SCMH1: variants seen among roughly 807,000 people sequenced by gnomAD.
The protein encoded by SCMH1 is Scm polycomb group protein homolog 1.
In SCMH1, 37 loss-of-function variants were observed where a neutral mutation model predicts 70.8. That is an observed-to-expected ratio of 0.52 (90% CI 0.40 to 0.69). The LOEUF is 0.69. Ranked by LOEUF, SCMH1 falls within the 30% of genes least tolerant of loss-of-function variation. SCMH1 has a pLI of 0.00. For synonymous variants in SCMH1, 292 were observed against 307.4 expected (o/e 0.95, Z 0.52); for missense variants, 607 against 827.3 (o/e 0.73, Z 3.27).
At chr1:41,132,345 T>C (rs915921295) in intron 6 of SCMH1, among the ~76,000 whole-genome samples, 2 of 152,212 alleles carry the variant, frequency 1.3e-5, no homozygotes, top group African/African-American at 4.8e-5. Flanking sequence ...ATAAATGTCT[T>C]CTTTTGAGAA....
chr1:41,029,763 C>A (rs1410008285), intron 13 of SCMH1, among the ~76,000 whole-genome samples: 1 of 152,176 alleles, frequency 6.6e-6, no homozygotes, highest in Non-Finnish European at 1.5e-5. Context: ...CTTCAAGGAT[C>A]AGTTCCTTTA....
chr1:41,127,683 A>G (rs1375156481), intron 6 of SCMH1, among the ~76,000 whole-genome samples: 2 of 152,194 alleles, frequency 1.3e-5, no homozygotes, highest in Non-Finnish European at 2.9e-5. Flanking sequence ...ACCCAGAGAC[A>G]GGGTTGTTAG....
intron 5 of SCMH1, among the ~76,000 whole-genome samples, chr1:41,146,016 C>G (rs1476451577): frequency 6.6e-6 from 1 of 151,936 alleles, no homozygotes; most frequent in Non-Finnish European, 1.5e-5. Flanking sequence ...AAAAAATAGC[C>G]TCAGGCAGCT....
At chr1:41,139,782 T>C (rs915072186) in intron 6 of SCMH1, among the ~76,000 whole-genome samples, 1 of 152,206 alleles carries the variant, frequency 6.6e-6, no homozygotes, top group Non-Finnish European at 1.5e-5. Flanking sequence ...TGGTTACCTA[T>C]GGCAGAAGGA....
At chr1:41,219,961 T>C (rs996789174) in intron 1 of SCMH1, among the ~76,000 whole-genome samples, 1 of 151,782 alleles carries the variant, frequency 6.6e-6, no homozygotes, top group Non-Finnish European at 1.5e-5. Context: ...CTATACAAGA[T>C]ACAAGTCACT....
intron 6 of SCMH1, among the ~76,000 whole-genome samples, chr1:41,141,196 A>G (rs1249923413): frequency 6.6e-6 from 1 of 152,252 alleles, no homozygotes; most frequent in Non-Finnish European, 1.5e-5. Context: ...CCATTTTGTA[A>G]CCATATGAAT....
intron 10 of SCMH1, among the ~76,000 whole-genome samples, chr1:41,049,759 T>C (rs1319139608): frequency 3.7e-5 from 4 of 107,128 alleles, no homozygotes; most frequent in East Asian, 5.6e-4. Flanking sequence ...AGAGTGAGAA[T>C]TGGTCTCAAA....
intron 10 of SCMH1, 112 bp downstream of exon 10, chr1:41,070,483 A>ATTTTTTT (rs1356995482): frequency 1.5e-6 from 2 of 1,354,790 alleles, no homozygotes; most frequent in African/African-American, 2.9e-5. Context: ...TTTTAAAAAT[A>ATTTTTTT]TTTTACCTAG....
chr1:41,059,004 T>A, intron 10 of SCMH1, among the ~76,000 whole-genome samples: 1 of 152,164 alleles, frequency 6.6e-6, no homozygotes, highest in East Asian at 1.9e-4. Context: ...ATCGAAGAGT[T>A]TACTTGTGAA....
chr1:41,237,749 T>G (rs1357601441), intron 1 of SCMH1, among the ~76,000 whole-genome samples: 1 of 152,230 alleles, frequency 6.6e-6, no homozygotes, highest in Non-Finnish European at 1.5e-5. Context: ...AAAATTCATT[T>G]TGAAATGAAG....
At chr1:41,173,149 G>A (rs1646895650) in intron 2 of SCMH1, among the ~76,000 whole-genome samples, 1 of 152,006 alleles carries the variant, frequency 6.6e-6, no homozygotes, top group African/African-American at 2.4e-5. Context: ...AATCAACAGA[G>A]GGAAAAGAGT....
At chr1:41,142,992 G>A (rs150272371) in exon 6 of SCMH1, 297 of 1,614,194 alleles carry the variant, frequency 1.8e-4, no homozygotes, top group Middle Eastern at 6.6e-4. Flanking sequence ...TCAAGGCGCA[G>A]GCGAAGGCGG....
At chr1:41,195,465 A>G (rs1652819329) in intron 1 of SCMH1, among the ~76,000 whole-genome samples, 1 of 152,162 alleles carries the variant, frequency 6.6e-6, no homozygotes, top group Admixed American at 6.5e-5. Flanking sequence ...GTAAAAAAAA[A>G]AGGCACATGG....
chr1:41,086,750 A>G (rs192285764), intron 8 of SCMH1, among the ~76,000 whole-genome samples: 1 of 152,150 alleles, frequency 6.6e-6, no homozygotes, highest in African/African-American at 2.4e-5. Context: ...AAACAACAGC[A>G]ACAACAACAA....
intron 12 of SCMH1, 47 bp from the exon 13 acceptor site, chr1:41,037,588 G>C: frequency 6.4e-7 from 1 of 1,553,246 alleles, no homozygotes; most frequent in Non-Finnish European, 8.8e-7. Flanking sequence ...GACTGCCAGA[G>C]TGCTGGCTCC....
At chr1:41,070,637 C>G (rs780316345) in exon 10 of SCMH1, 1 of 1,614,054 alleles carries the variant, frequency 6.2e-7, no homozygotes, top group Non-Finnish European at 8.5e-7. Context: ...GTGGCAGCAT[C>G]CTGGGGTACA....
chr1:41,228,325 C>G (rs1036355399), intron 1 of SCMH1, among the ~76,000 whole-genome samples: 1 of 152,100 alleles, frequency 6.6e-6, no homozygotes, highest in Admixed American at 6.5e-5. Flanking sequence ...GAAACAAGTT[C>G]TGGAGATGGA....
At chr1:41,116,612 T>C (rs1422104246) in intron 7 of SCMH1, among the ~76,000 whole-genome samples, 1 of 152,226 alleles carries the variant, frequency 6.6e-6, no homozygotes, top group Non-Finnish European at 1.5e-5. Context: ...CTCCAAGATC[T>C]ATAATAAGAA....
At chr1:41,159,703 A>G in intron 4 of SCMH1, 1 of 1,530,154 alleles carries the variant, frequency 6.5e-7, no homozygotes, top group Non-Finnish European at 8.8e-7. Flanking sequence ...ACTATCATTT[A>G]TCAAGTGCCA....
Sources: gnomAD v4.1 joint callset for allele counts (sites outside exome capture counted in the v4.1 genomes callset) on GRCh38, gnomAD v4.1.1 for gene constraint, MANE v1.5 for transcripts, NCBI Gene and HGNC (gene_info 2026-07-23, HGNC 2026-07-21) for gene names.